VPS41: variants seen among roughly 807,000 people sequenced by gnomAD.
VPS41 encodes VPS41 subunit of HOPS complex, also known as vacuolar protein sorting-associated protein 41 homolog.
VPS41 carries 85 observed loss-of-function variants against 130.9 expected under a neutral mutation model. The ratio of observed to expected loss-of-function variants is 0.65; its 90% CI spans 0.55 to 0.78. The LOEUF is 0.78. VPS41 is among the 30% of genes least tolerant of loss of function. VPS41 has a pLI of 0.00. For synonymous variants in VPS41, 335 were observed against 332.9 expected, an observed-to-expected ratio of 1.01 and a Z score of -0.07; for missense variants, 874 against 1,018.7, an observed-to-expected ratio of 0.86 and a Z score of 1.93.
intron 25 of VPS41, 130 bp downstream of exon 25, chr7:38,741,855 C>A: frequency 2.0e-6 from 2 of 1,017,550 alleles, no homozygotes; most frequent in Admixed American, 2.7e-5. Flanking sequence ...TTCTAAATAT[C>A]TGGGCCTAAA....
chr7:38,822,029 G>A (rs1477988708), intron 5 of VPS41, among the ~76,000 whole-genome samples: 4 of 151,902 alleles, frequency 2.6e-5, no homozygotes, highest in Non-Finnish European at 4.4e-5. Context: ...GAGATTAGGT[G>A]AACCACACTT....
intron 5 of VPS41, among the ~76,000 whole-genome samples, chr7:38,824,646 GAAC>G (rs1584413765): frequency 6.6e-6 from 1 of 152,030 alleles, no homozygotes. Context: ...GAGTAGAATA[GAAC>G]AACAACAAAA....
chr7:38,903,447 T>C (rs897335173), intron 1 of VPS41, among the ~76,000 whole-genome samples: 4 of 151,978 alleles, frequency 2.6e-5, no homozygotes, highest in African/African-American at 9.7e-5. Flanking sequence ...GGGGGAGAAA[T>C]GGTAGCCTGG....
intron 4 of VPS41, among the ~76,000 whole-genome samples, chr7:38,846,968 T>C (rs1859937): frequency 0.32 from 49,028 of 151,400 alleles, 8,163 homozygotes; most frequent in East Asian, 0.46. Flanking sequence ...CTAGGCAAAG[T>C]ATGACTTTTT....
chr7:38,747,693 T>A (rs556991952), intron 22 of VPS41, among the ~76,000 whole-genome samples: 84 of 152,364 alleles, frequency 5.5e-4, no homozygotes, highest in African/African-American at 1.6e-3. Context: ...TATTTAAGTT[T>A]AAATTGATTA....
intron 10 of VPS41, among the ~76,000 whole-genome samples, chr7:38,777,858 C>G (rs1339828430): frequency 6.6e-6 from 1 of 152,144 alleles, no homozygotes; most frequent in Non-Finnish European, 1.5e-5. Flanking sequence ...TTGAACAAGT[C>G]ATTTTAACAT....
rs17618306 is a variant in VPS41 at position 38,788,001 on chromosome 7, T to C, written c.784+1800A>G. 5.9e-3 allele frequency among the ~76,000 whole-genome samples: 895 copies of C among 152,260 alleles called. 2 individuals are homozygous for C. Among genetic ancestry groups the C allele is most frequent in the Middle Eastern group, 0.027 (8 of 294 alleles). ...ATAATGTGATCCCAGGGTTCTAGGC[T>C]AATAGGGCCACCACTGAGCCAGCTA... On this transcript the variant is annotated intron_variant, in intron 10 of 28. Coordinates refer to ENST00000310301, the MANE Select transcript of VPS41 (RefSeq NM_014396.4).
chr7:38,734,040 T>G (rs1795718600), intron 25 of VPS41, among the ~76,000 whole-genome samples: 4 of 152,214 alleles, frequency 2.6e-5, no homozygotes, highest in Admixed American at 2.6e-4. Context: ...GAGCTGTGAC[T>G]GCACCACTGC....
intron 1 of VPS41, among the ~76,000 whole-genome samples, chr7:38,906,492 C>T (rs185482198): frequency 6.8e-4 from 103 of 152,214 alleles, no homozygotes; most frequent in African/African-American, 2.5e-3. Flanking sequence ...CTACACACCA[C>T]CATGCCTGGC....
At chr7:38,855,355 A>G (rs969809342) in intron 4 of VPS41, among the ~76,000 whole-genome samples, 27 of 152,214 alleles carry the variant, frequency 1.8e-4, no homozygotes, top group African/African-American at 6.0e-4. Context: ...ACATGAAAAA[A>G]GAGATGGGTG....
intron 7 of VPS41, among the ~76,000 whole-genome samples, chr7:38,811,576 T>C (rs554050379): frequency 2.6e-5 from 4 of 151,426 alleles, no homozygotes; most frequent in African/African-American, 9.7e-5. Context: ...TATCACACTT[T>C]TAAAAGACTT....
At chr7:38,870,739 CAAAAAAAAAAAAAA>C (rs70977434) in intron 2 of VPS41, among the ~76,000 whole-genome samples, 58 of 29,748 alleles carry the variant, frequency 1.9e-3, no homozygotes, top group Admixed American at 5.2e-3. Context: ...ACTATATGTT[CAAAAAAAAAAAAAA>C]AAAAAAAAAA....
At chr7:38,770,199 G>A (rs1784127949) in intron 14 of VPS41, among the ~76,000 whole-genome samples, 2 of 151,490 alleles carry the variant, frequency 1.3e-5, no homozygotes, top group African/African-American at 4.9e-5. Flanking sequence ...AACCCAGGAG[G>A]CAGAGGTTGC....
In VPS41 at chr7:38,777,948, CCT is replaced by C. The variant is rs530574666; in HGVS notation, c.785-1174_785-1173del. 1.6e-3 allele frequency among the ~76,000 whole-genome samples: 247 copies of C among 152,260 alleles called. 3 individuals are homozygous for C. Among genetic ancestry groups the C allele is most frequent in the African/African-American group, 5.2e-3 (216 of 41,560 alleles). On this transcript the variant is annotated intron_variant, in intron 10 of 28. Transcript: ENST00000310301. ...GAAATACTGAATTTTCCTTTGTCCC[CCT>C]CTTTCTTTCCCTTGCAGATTACTTA... is the stretch of plus-strand genomic sequence containing the variant.
chr7:38,814,214 G>A (rs1160504961), intron 7 of VPS41, among the ~76,000 whole-genome samples: 1 of 152,186 alleles, frequency 6.6e-6, no homozygotes, highest in Admixed American at 6.5e-5. Flanking sequence ...AAAGGATGAA[G>A]AATATGTTAC....
intron 7 of VPS41, among the ~76,000 whole-genome samples, chr7:38,814,006 T>G (rs990248222): frequency 4.6e-5 from 7 of 152,220 alleles, no homozygotes; most frequent in African/African-American, 1.7e-4. Flanking sequence ...TGAATTCTAC[T>G]TATCTTATTG....
chr7:38,890,817 C>T (rs554786450), intron 2 of VPS41, among the ~76,000 whole-genome samples: 2 of 151,966 alleles, frequency 1.3e-5, no homozygotes, highest in Non-Finnish European at 2.9e-5. Flanking sequence ...TCCCAAGTAA[C>T]CATGTCTACA....
intron 4 of VPS41, among the ~76,000 whole-genome samples, chr7:38,860,561 A>C (rs534661273): frequency 3.7e-4 from 57 of 152,282 alleles, no homozygotes; most frequent in Admixed American, 2.3e-3. Flanking sequence ...TTGGCTCAAC[A>C]TTAAGTCTAT....
chr7:38,768,777 C>A (rs1053470448), intron 14 of VPS41, among the ~76,000 whole-genome samples: 1 of 152,176 alleles, frequency 6.6e-6, no homozygotes, highest in African/African-American at 2.4e-5. Flanking sequence ...TGCTTCTCCA[C>A]TGTGGAGCTT....
Sources: allele counts gnomAD v4.1 joint callset (sites outside exome capture counted in the v4.1 genomes callset), GRCh38; gene constraint gnomAD v4.1.1; transcripts MANE v1.5; gene names NCBI Gene and HGNC (gene_info 2026-07-23, HGNC 2026-07-21).